TEX10: variants seen among roughly 807,000 people sequenced by gnomAD.
TEX10 encodes the protein testis expressed 10, also known as testis-expressed protein 10.
A neutral mutation model predicts 104.4 loss-of-function variants in TEX10; 24 were observed. That is an observed-to-expected ratio of 0.23 (90% confidence interval 0.17 to 0.32). TEX10 has a LOEUF of 0.32. TEX10 is among the 10% of genes least tolerant of loss of function. TEX10 has a pLI of 1.00. For missense variants in TEX10, 921 were observed against 1,083.9 expected (o/e 0.85, Z 2.11); for synonymous variants, 396 against 393.4 (o/e 1.01, Z -0.08).
At chr9:100,310,471 C>T (rs908135939) in intron 11 of TEX10, 92 bp from the exon 12 acceptor site, 10 of 1,208,586 alleles carry the variant, frequency 8.3e-6, no homozygotes, top group Non-Finnish European at 1.2e-5. Context: ...CAGAGTTTCA[C>T]TCTGTCGCCC....
chr9:100,325,008 A>C (rs928878728), intron 9 of TEX10, among the ~76,000 whole-genome samples: 3 of 152,218 alleles, frequency 2.0e-5, no homozygotes, highest in African/African-American at 7.2e-5. Flanking sequence ...ACAAGGAAGA[A>C]ATAAACCTAA....
intron 9 of TEX10, among the ~76,000 whole-genome samples, chr9:100,325,864 T>C (rs905054304): frequency 3.9e-5 from 6 of 152,170 alleles, no homozygotes; most frequent in African/African-American, 1.4e-4. Context: ...GTAAATTTTA[T>C]GTTATGTTTA....
chr9:100,330,201 A>G (rs767525059), intron 5 of TEX10, 32 bp from the exon 6 acceptor site: 2 of 1,442,950 alleles, frequency 1.4e-6, no homozygotes, highest in Admixed American at 3.8e-5. Context: ...TCTATAAAGC[A>G]TTACGTCTAC....
intron 5 of TEX10, among the ~76,000 whole-genome samples, chr9:100,330,456 CT>C (rs1834829268): frequency 6.6e-6 from 1 of 152,108 alleles, no homozygotes; most frequent in African/African-American, 2.4e-5. Context: ...TGCCTGGGAA[CT>C]TGAAAAATAA....
intron 1 of TEX10, among the ~76,000 whole-genome samples, chr9:100,349,624 C>T (rs1173219593): frequency 1.3e-5 from 2 of 151,584 alleles, no homozygotes; most frequent in African/African-American, 4.9e-5. Context: ...AACCTTTTGT[C>T]AAGCTATATG....
chr9:100,349,422 T>C (rs1412717295), intron 1 of TEX10, 50 bp from the exon 2 acceptor site: 3 of 1,363,172 alleles, frequency 2.2e-6, no homozygotes, highest in Non-Finnish European at 2.9e-6. Context: ...CAAGAATAAA[T>C]TATGAAAAAA....
At chr9:100,327,304 C>T (rs1325577542) in intron 8 of TEX10, among the ~76,000 whole-genome samples, 1 of 151,668 alleles carries the variant, frequency 6.6e-6, no homozygotes, top group Non-Finnish European at 1.5e-5. Context: ...TTGAACTGTA[C>T]ATTGTAAAAT....
rs763636077 is a variant in TEX10, at chr9:100,326,495, G to C, written c.1802-16C>G. On this transcript the variant is annotated splice_polypyrimidine_tract_variant and intron_variant, in intron 8 of 14. Transcript: ENST00000374902. ...TCTTGTGGATCTAGTGAGGTGGATA[G>C]ACATATTAAAAACAACTATAAAAGA... 6.3e-7 allele frequency: 1 copy of C among 1,594,566 alleles called. No individual in the cohort carries two copies. The highest frequency in any genetic ancestry group is 1.1e-5 in the South Asian group (1 of 88,772).
chr9:100,352,769 T>G lies in TEX10; in HGVS notation c.-10+3A>C. The G allele has an allele frequency of 1.8e-6, 2 of 1,118,296 alleles. No homozygotes were observed. Among genetic ancestry groups the G allele is most frequent in the East Asian group, 6.0e-5 (1 of 16,586 alleles). The allele number at this position is 1,118,296 out of a possible 1,614,324, so 69.3% of individuals were successfully genotyped here. On this transcript the variant is annotated splice_donor_region_variant and intron_variant, in intron 1 of 14. Coordinates refer to ENST00000374902, the MANE Select transcript of TEX10 (RefSeq NM_017746.4). ...CCCGGCCCGACGGGCGACGGCCGCT[T>G]ACCTGAGGACCCGGCCGCGGCCGGG...
rs574519064 is a variant in TEX10 at position 100,352,899 on chromosome 9, C to G, written c.-137G>C. ...CCCGGAGCGTGTTTTCAAATAGCCT[C>G]GTCCTCACGCGGCCGCGTCTCCTTC... On this transcript the variant is annotated 5_prime_UTR_variant, in exon 1 of 15. Transcript: ENST00000374902. The G allele has an allele frequency of 4.2e-3, 4,134 of 991,834 alleles. 12 individuals are homozygous for G. Among genetic ancestry groups the G allele is most frequent in the Non-Finnish European group, 4.7e-3 (3,910 of 834,792 alleles). 61.4% of individuals were successfully genotyped at this position (991,834 alleles called of 1,614,324 possible). A position where few individuals can be genotyped will look rare whatever the true frequency, so the allele number is the denominator to read the frequency against.
chr9:100,334,569 A>G (rs1834959671), intron 5 of TEX10, among the ~76,000 whole-genome samples: 1 of 152,188 alleles, frequency 6.6e-6, no homozygotes, highest in Admixed American at 6.5e-5. Context: ...GGTAGACAGA[A>G]GTTTACTAAA....
intron 9 of TEX10, among the ~76,000 whole-genome samples, chr9:100,322,029 A>C (rs188842345): frequency 3.7e-4 from 57 of 152,268 alleles, no homozygotes; most frequent in African/African-American, 1.3e-3. Context: ...TACAACAGAA[A>C]ATTTCCATCC....
At chr9:100,315,599 C>T (rs1834395952) in intron 11 of TEX10, among the ~76,000 whole-genome samples, 1 of 152,162 alleles carries the variant, frequency 6.6e-6, no homozygotes, top group African/African-American at 2.4e-5. Flanking sequence ...GCTACTCCTG[C>T]TCACTTGTGG....
chr9:100,324,029 T>C (rs5029342), intron 9 of TEX10, among the ~76,000 whole-genome samples: 69,039 of 151,918 alleles, frequency 0.45, 17,373 homozygotes, highest in East Asian at 0.89. Flanking sequence ...CTGAATGAAC[T>C]AACCGTCAGT....
chr9:100,339,280 TATATATATATAC>T (rs1227769975), intron 5 of TEX10, among the ~76,000 whole-genome samples: 73 of 127,806 alleles, frequency 5.7e-4, no homozygotes, highest in African/African-American at 9.4e-4. Context: ...AAAAAGTATA[TATATATATATAC>T]ATATATATAT....
chr9:100,346,731 C>T lies in TEX10; in HGVS notation c.856G>A (p.Gly286Ser). The T allele has an allele frequency of 1.2e-6, 2 of 1,613,858 alleles. No individual in the cohort carries two copies. The highest frequency in any genetic ancestry group is 2.2e-5 in the East Asian group (1 of 44,874). The change falls in exon 3 of 15, where the codon GGT becomes AGT. Residue 286 changes from glycine to serine, a missense_variant. Physicochemically the swap from Gly to Ser is moderately conservative, Grantham distance 56. Coordinates refer to ENST00000374902, the MANE Select transcript of TEX10 (RefSeq NM_017746.4). Reference sequence around the variant, plus strand: ...TGTGAACTGACATTTGGCTGTGAACCCCCATTTTCATAAACCTGGATGTGT... The same window carrying T: ...TGTGAACTGACATTTGGCTGTGAACTCCCATTTTCATAAACCTGGATGTGT... The part of the protein sequence containing the change: ...QQHIQVYENG[G>S]SQPNVSSQFR...
At chr9:100,307,072 C>T (rs1005753100) in intron 13 of TEX10, 13 of 152,124 alleles carry the variant, frequency 8.5e-5, no homozygotes, top group Admixed American at 2.0e-4. Flanking sequence ...AGAAAACTAT[C>T]GTCGAATTTA....
intron 11 of TEX10, among the ~76,000 whole-genome samples, chr9:100,310,911 C>T (rs1292637936): frequency 1.3e-5 from 2 of 152,132 alleles, no homozygotes; most frequent in Admixed American, 1.3e-4. Context: ...CTATTAGATG[C>T]CATGCACAGG....
chr9:100,310,444 G>A lies in TEX10; in HGVS notation c.2203-65C>T, dbSNP rs1834247198. On this transcript the variant is annotated intron_variant, in intron 11 of 14. Transcript: ENST00000374902. ...TTTTAGATCAGAAACAAGTTCAACA[G>A]ATTCTTTTTTTTGAGACAGAGTTTC... The A allele has an allele frequency of 1.8e-5, 26 of 1,435,912 alleles. No individual in the cohort carries two copies. The South Asian group carries it at 3.1e-4, about 17-fold the overall frequency. The allele number at this position is 1,435,912 out of a possible 1,614,324, so 88.9% of individuals were successfully genotyped here.
Sources: gnomAD v4.1 joint callset for allele counts (sites outside exome capture counted in the v4.1 genomes callset) on GRCh38, gnomAD v4.1.1 for gene constraint, MANE v1.5 for transcripts, NCBI Gene and HGNC (gene_info 2026-07-23, HGNC 2026-07-21) for gene names.